Variants in PDE7B observed in about 807,000 individuals in gnomAD.
PDE7B encodes the protein phosphodiesterase 7B.
PDE7B carries 29 observed loss-of-function variants against 56.2 expected under a neutral mutation model. The observed-to-expected ratio is 0.52, with a 90% CI of 0.38 to 0.70. The LOEUF (loss-of-function observed/expected upper bound fraction) is 0.70, where lower values mean the gene tolerates loss of function less well. PDE7B is among the 30% of genes least tolerant of loss of function. PDE7B has a pLI of 0.00. For synonymous variants in PDE7B, 197 were observed against 196.9 expected, an observed-to-expected ratio of 1.00 and a Z score of 0.00; for missense variants, 490 against 565.0, an observed-to-expected ratio of 0.87 and a Z score of 1.35.
chr6:135,945,899 G>A lies in PDE7B; in HGVS notation c.22-1565G>A, dbSNP rs181067645. On this transcript the variant is annotated intron_variant, in intron 1 of 12. Transcript: ENST00000308191. Reference sequence around the variant, plus strand: ...TTTATATTCAGAGTTGTGAATATGAGGACAATTCTTATTTCAAAATATTTG... The same window carrying A: ...TTTATATTCAGAGTTGTGAATATGAAGACAATTCTTATTTCAAAATATTTG... Among the ~76,000 whole-genome samples, 148 of 152,148 alleles carry A rather than the reference G, an allele frequency of 9.7e-4. 2 individuals carry two copies. Among genetic ancestry groups the A allele is most frequent in the Non-Finnish European group, 1.3e-3 (86 of 68,000 alleles).
At chr6:135,869,837 A>C (rs1347276683) in intron 1 of PDE7B, among the ~76,000 whole-genome samples, 1 of 152,194 alleles carries the variant, frequency 6.6e-6, no homozygotes, top group African/African-American at 2.4e-5. Flanking sequence ...AGAAGAAAAC[A>C]TGTTTTGATG....
intron 1 of PDE7B, among the ~76,000 whole-genome samples, chr6:135,924,808 G>A (rs889586396): frequency 6.6e-6 from 1 of 151,366 alleles, no homozygotes; most frequent in South Asian, 2.1e-4. Context: ...AGTAACATAG[G>A]AAAATACAAG....
chr6:135,974,716 C>T (rs7761961), intron 2 of PDE7B, among the ~76,000 whole-genome samples: 68,291 of 152,000 alleles, frequency 0.45, 15,650 homozygotes, highest in Admixed American at 0.55. Context: ...AGACACCTCT[C>T]GTACTTTAAG....
chr6:135,983,180 C>T (rs867040441), intron 2 of PDE7B, among the ~76,000 whole-genome samples: 2 of 152,110 alleles, frequency 1.3e-5, no homozygotes, highest in South Asian at 4.1e-4. Context: ...ACACACAGTG[C>T]TACCCAATTG....
intron 1 of PDE7B, among the ~76,000 whole-genome samples, chr6:135,933,661 G>C (rs575350599): frequency 6.6e-6 from 1 of 152,070 alleles, no homozygotes; most frequent in African/African-American, 2.4e-5. Flanking sequence ...TAAAAAATTC[G>C]AATAAGCAAA....
At chr6:136,121,497 C>A (rs920757814) in intron 3 of PDE7B, among the ~76,000 whole-genome samples, 1 of 152,078 alleles carries the variant, frequency 6.6e-6, no homozygotes, top group African/African-American at 2.4e-5. Context: ...CTTGGAAGAC[C>A]TAAGATCATC....
chr6:136,179,952 G>A (rs1476575542), intron 10 of PDE7B, among the ~76,000 whole-genome samples: 1 of 152,190 alleles, frequency 6.6e-6, no homozygotes, highest in Non-Finnish European at 1.5e-5. Context: ...CAGAGTGGAT[G>A]TCACAAATAA....
At chr6:135,951,425 A>G (rs1186790721) in intron 2 of PDE7B, among the ~76,000 whole-genome samples, 2 of 147,068 alleles carry the variant, frequency 1.4e-5, no homozygotes, top group Non-Finnish European at 3.1e-5. Context: ...GTTACAAAAC[A>G]GAGTTTACTT....
intron 2 of PDE7B, among the ~76,000 whole-genome samples, chr6:136,069,449 T>C (rs1021371928): frequency 3.3e-5 from 5 of 152,190 alleles, no homozygotes; most frequent in African/African-American, 1.2e-4. Context: ...GTCCTAATGG[T>C]TTCCCCTTCA....
intron 1 of PDE7B, among the ~76,000 whole-genome samples, chr6:135,938,350 TA>T (rs1562446450): frequency 6.6e-6 from 1 of 152,198 alleles, no homozygotes; most frequent in Admixed American, 6.5e-5. Flanking sequence ...AGACAATAAG[TA>T]AAAGATGAAA....
chr6:135,851,948 G>A lies in PDE7B; in HGVS notation c.-51G>A, dbSNP rs199914481. ...CAAGTCTTCATGAACAAGCAGCACC[G>A]CTCAGAGATTTCACGGCATTCAAAG... On this transcript the variant is annotated 5_prime_UTR_variant, in exon 1 of 13. Coordinates refer to ENST00000308191, the MANE Select transcript of PDE7B (RefSeq NM_018945.4). 3.1e-5 allele frequency: 45 copies of A among 1,459,296 alleles called. No individual in the cohort carries two copies. Among genetic ancestry groups the A allele is most frequent in the Non-Finnish European group, 4.1e-5 (43 of 1,040,162 alleles). The allele number at this position is 1,459,296 out of a possible 1,614,324, so 90.4% of individuals were successfully genotyped here.
chr6:136,179,237 A>T, intron 10 of PDE7B, 96 bp downstream of exon 10: 1 of 1,105,408 alleles, frequency 9.0e-7, no homozygotes, highest in African/African-American at 1.5e-5. Flanking sequence ...GCTACTTGGG[A>T]GGCTGAGGCA....
At position 135,944,887 on chromosome 6, in the gene PDE7B, A is replaced by G. The variant is rs772017282; in HGVS notation, c.22-2577A>G. Among the ~76,000 whole-genome samples the G allele has an allele frequency of 2.3e-3, 343 of 152,270 alleles. 1 individual carries two copies. Among genetic ancestry groups the G allele is most frequent in the Non-Finnish European group, 3.1e-3 (214 of 68,002 alleles). The stretch of plus-strand genomic sequence containing the variant: ...AGGAAAGTAGAAAAGCTCTTCCTTC[A>G]CAACACATGTCTGGACTTTTTCCAT... On this transcript the variant is annotated intron_variant, in intron 1 of 12. Coordinates refer to ENST00000308191, the MANE Select transcript of PDE7B (RefSeq NM_018945.4).
chr6:135,947,029 A>G (rs1369093174), intron 1 of PDE7B, among the ~76,000 whole-genome samples: 1 of 152,138 alleles, frequency 6.6e-6, no homozygotes, highest in Non-Finnish European at 1.5e-5. Context: ...GAGATAAAGT[A>G]TAGGCCACCT....
chr6:136,190,764 C>G (rs1318472081), intron 12 of PDE7B, among the ~76,000 whole-genome samples: 1 of 152,154 alleles, frequency 6.6e-6, no homozygotes, highest in Non-Finnish European at 1.5e-5. Flanking sequence ...ATCAAACAAT[C>G]TTATCTAGTC....
intron 2 of PDE7B, among the ~76,000 whole-genome samples, chr6:135,964,276 A>G (rs1394511134): frequency 1.3e-5 from 2 of 151,456 alleles, no homozygotes; most frequent in Non-Finnish European, 2.9e-5. Flanking sequence ...GCTAATTTTT[A>G]TATTTTCAGT....
At chr6:136,061,792 G>A (rs556333730) in intron 2 of PDE7B, among the ~76,000 whole-genome samples, 2 of 152,328 alleles carry the variant, frequency 1.3e-5, no homozygotes, top group African/African-American at 2.4e-5. Flanking sequence ...GATAGTGCAA[G>A]TGGAGATTGA....
intron 2 of PDE7B, among the ~76,000 whole-genome samples, chr6:136,050,504 A>G (rs993856470): frequency 3.9e-5 from 6 of 152,070 alleles, no homozygotes; most frequent in African/African-American, 1.4e-4. Context: ...GGTAGCTGGT[A>G]GTTGCTTAAC....
chr6:135,970,741 G>A (rs189635028), intron 2 of PDE7B, among the ~76,000 whole-genome samples: 9 of 152,262 alleles, frequency 5.9e-5, no homozygotes, highest in Non-Finnish European at 1.2e-4. Flanking sequence ...TAGATTCTAC[G>A]TGGGCACTGG....
Sources: gnomAD v4.1 joint callset for allele counts (sites outside exome capture counted in the v4.1 genomes callset) on GRCh38, gnomAD v4.1.1 for gene constraint, MANE v1.5 for transcripts, NCBI Gene and HGNC (gene_info 2026-07-23, HGNC 2026-07-21) for gene names.